GSR: variants seen among roughly 807,000 people sequenced by gnomAD.
The protein encoded by GSR is glutathione reductase, mitochondrial.
Under a neutral mutation model 56.5 loss-of-function variants are expected in GSR, and 48 were observed. The observed-to-expected ratio is 0.85, with a 90% confidence interval of 0.67 to 1.08. The LOEUF is 1.08. Ranked by LOEUF, GSR falls within the 50% of genes least tolerant of loss-of-function variation. The pLI is 0.00. For synonymous variants in GSR, 264 were observed against 270.8 expected (o/e 0.97, Z 0.25); for missense variants, 694 against 703.3 (o/e 0.99, Z 0.15).
chr8:30,707,431 A>G (rs1179654713), intron 4 of GSR, among the ~76,000 whole-genome samples: 1 of 151,590 alleles, frequency 6.6e-6, no homozygotes, highest in East Asian at 2.0e-4. Flanking sequence ...TATAATCCCA[A>G]CACTTTGGGA....
intron 7 of GSR, among the ~76,000 whole-genome samples, chr8:30,693,533 A>ATGT (rs1554571132): frequency 1.4e-5 from 2 of 146,936 alleles, no homozygotes; most frequent in African/African-American, 5.0e-5. Flanking sequence ...TAGTTCTTTT[A>ATGT]TTTTTATTTT....
Position 30,689,277 on chromosome 8 carries a change from T to C in GSR, c.925A>G (p.Met309Val). 2 of 1,614,060 alleles carry C rather than the reference T, an allele frequency of 1.2e-6. No individual in the cohort carries two copies. The highest frequency in any genetic ancestry group is 1.1e-5 in the South Asian group (1 of 91,082). Residue 309 changes from methionine to valine, a missense_variant, in exon 9 of 13, where the codon ATG becomes GTG. By Grantham distance (21) the Met-to-Val change is conservative. Coordinates refer to ENST00000221130, the MANE Select transcript of GSR (RefSeq NM_000637.5). Reference sequence around the variant, plus strand: ...AGCCTACCGGGAACTGCAGTAACCATGCTGACTTCCAAGCCCGACAAAGTC... The same window carrying C: ...AGCCTACCGGGAACTGCAGTAACCACGCTGACTTCCAAGCCCGACAAAGTC... ...KKTLSGLEVS[M>V]VTAVPGRLPV...
rs922267160 is a variant in GSR, at chr8:30,727,612, C to T, written c.224G>A (p.Gly75Asp). The change falls in exon 1 of 13, where the codon GGC becomes GAC. Residue 75 changes from glycine (G) to aspartate (D), a missense_variant. Gly to Asp is a moderately conservative substitution (Grantham distance 94). Coordinates refer to ENST00000221130, the MANE Select transcript of GSR (RefSeq NM_000637.5). ...CGCCCTGCGCGCGCTGGCCAGCCCG[C>T]CCGAGCCGCCCCCGATCACCAGGTA... ...YDYLVIGGGSGGLASARRAAE... is the reference protein window; with the variant it reads ...YDYLVIGGGSDGLASARRAAE... The T allele has an allele frequency of 1.3e-6, 2 of 1,512,538 alleles. No homozygotes were observed. The highest frequency in any genetic ancestry group is 2.1e-5 in the Admixed American group (1 of 47,946). The allele number at this position is 1,512,538 out of a possible 1,614,324, so 93.7% of individuals were successfully genotyped here.
chr8:30,705,232 C>T (rs1586055017), intron 4 of GSR, among the ~76,000 whole-genome samples: 1 of 150,948 alleles, frequency 6.6e-6, no homozygotes. Flanking sequence ...TCAAGATCAG[C>T]GTGGGCAACA....
chr8:30,693,630 G>A (rs913718597), intron 7 of GSR, among the ~76,000 whole-genome samples: 44 of 152,118 alleles, frequency 2.9e-4, no homozygotes, highest in African/African-American at 1.0e-3. Flanking sequence ...CTGGATTCAA[G>A]CAATTCTCCC....
At chr8:30,682,802 TTTA>T (rs1211430901) in intron 10 of GSR, among the ~76,000 whole-genome samples, 3 of 151,476 alleles carry the variant, frequency 2.0e-5, no homozygotes, top group East Asian at 1.9e-4. Flanking sequence ...GCCTAGAATC[TTTA>T]TTATTATTAT....
chr8:30,715,674 CA>C lies in GSR; in HGVS notation c.307-3587del, dbSNP rs8190919. On this transcript the variant is annotated intron_variant, in intron 1 of 12. Coordinates refer to ENST00000221130, the MANE Select transcript of GSR (RefSeq NM_000637.5). Reference sequence around the variant, plus strand: ...GGACAGACTCCAAAAGCAATTTTCCCAAAGGTAGAGATGATTTGTCTGCTAC... The same window carrying C: ...GGACAGACTCCAAAAGCAATTTTCCCAAGGTAGAGATGATTTGTCTGCTAC... 8.3e-4 allele frequency among the ~76,000 whole-genome samples: 126 copies of C among 152,236 alleles called. 1 individual carries two copies. The South Asian group carries it at 0.01, about 13-fold the overall frequency.
chr8:30,690,881 A>G (rs1210512643), intron 8 of GSR, among the ~76,000 whole-genome samples: 4 of 152,150 alleles, frequency 2.6e-5, no homozygotes, highest in Middle Eastern at 3.2e-3. Context: ...CCTGGGCAAC[A>G]TAGTGAGACT....
Position 30,724,859 on chromosome 8 carries a change from G to T in GSR, c.306+2671C>A, listed in dbSNP as rs560901342. On this transcript the variant is annotated intron_variant, in intron 1 of 12. Transcript: ENST00000221130. ...TTACATTCTTGTGAGGTTCTTATGA[G>T]CCTCAGTAAATCTACATTTTACATA... is the stretch of plus-strand genomic sequence containing the variant. Among the ~76,000 whole-genome samples the T allele has an allele frequency of 5.9e-5, 9 of 152,228 alleles. No homozygotes were observed. The South Asian group carries it at 1.9e-3, about 32-fold the overall frequency.
At position 30,679,463 on chromosome 8, in the gene GSR, T is replaced by G. The variant is rs1043070487; in HGVS notation, c.*57A>C. 4.5e-5 allele frequency: 68 copies of G among 1,508,998 alleles called. No homozygotes were observed. Among genetic ancestry groups the G allele is most frequent in the Non-Finnish European group, 6.2e-5 (67 of 1,085,692 alleles). The allele number at this position is 1,508,998 out of a possible 1,614,324, so 93.5% of individuals were successfully genotyped here. ...CAAACAGTAAGTCAATGTGATTATT[T>G]GTTTCATTTCAGAAGATCTATGGGT... On this transcript the variant is annotated 3_prime_UTR_variant, in exon 13 of 13. Transcript: ENST00000221130.
At chr8:30,721,297 A>G (rs1024658710) in intron 1 of GSR, among the ~76,000 whole-genome samples, 1 of 152,140 alleles carries the variant, frequency 6.6e-6, no homozygotes, top group African/African-American at 2.4e-5. Context: ...GTAATATTTA[A>G]TGTTGCAACA....
intron 1 of GSR, among the ~76,000 whole-genome samples, chr8:30,723,240 A>T (rs1340740666): frequency 2.6e-5 from 4 of 152,204 alleles, no homozygotes; most frequent in Non-Finnish European, 5.9e-5. Context: ...AGAAGGCTCT[A>T]ATTCACCTTG....
intron 6 of GSR, among the ~76,000 whole-genome samples, chr8:30,698,988 T>G (rs1803638298): frequency 6.6e-6 from 1 of 152,170 alleles, no homozygotes; most frequent in South Asian, 2.1e-4. Flanking sequence ...TTTTTGCCCC[T>G]CTATGAATCT....
chr8:30,718,101 CA>C (rs1208939774), intron 1 of GSR, among the ~76,000 whole-genome samples: 1 of 119,800 alleles, frequency 8.3e-6, no homozygotes, highest in South Asian at 2.8e-4. Flanking sequence ...AATTCTGTCT[CA>C]AAAAAATAAA....
intron 6 of GSR, among the ~76,000 whole-genome samples, chr8:30,699,064 T>C (rs999277513): frequency 1.3e-5 from 2 of 152,114 alleles, no homozygotes; most frequent in African/African-American, 2.4e-5. Flanking sequence ...GGTGGGAGGA[T>C]TGCTTGAGGC....
chr8:30,687,627 A>C (rs2128739274), intron 9 of GSR: 1 of 152,370 alleles, frequency 6.6e-6, no homozygotes, highest in East Asian at 1.9e-4. Context: ...AGCCTGGGCA[A>C]CACGGCAAGA....
At position 30,698,416 on chromosome 8, in the gene GSR, A is replaced by G. The variant is rs73578855; in HGVS notation, c.695+1665T>C. On this transcript the variant is annotated intron_variant, in intron 6 of 12. Coordinates refer to ENST00000221130, the MANE Select transcript of GSR (RefSeq NM_000637.5). ...GTCTCACTACATCCTCACATATGTC[A>G]TGTCACTCAACCCTAAAATCAAACA... 3.4e-3 allele frequency among the ~76,000 whole-genome samples: 525 copies of G among 152,304 alleles called. 4 individuals carry two copies. Among genetic ancestry groups the G allele is most frequent in the African/African-American group, 0.012 (499 of 41,560 alleles).
chr8:30,715,357 C>A (rs1804296767), intron 1 of GSR, among the ~76,000 whole-genome samples: 1 of 151,806 alleles, frequency 6.6e-6, no homozygotes, highest in Non-Finnish European at 1.5e-5. Flanking sequence ...TCTGGCCAAG[C>A]TGAGGATATG....
intron 4 of GSR, 92 bp from the exon 5 acceptor site, chr8:30,703,332 AT>A: frequency 8.3e-7 from 1 of 1,201,416 alleles, no homozygotes; most frequent in African/African-American, 1.5e-5. Flanking sequence ...TCTACTGAAC[AT>A]TTTGATTCTT....
Sources: allele counts gnomAD v4.1 joint callset (sites outside exome capture counted in the v4.1 genomes callset), GRCh38; gene constraint gnomAD v4.1.1; transcripts MANE v1.5; gene names NCBI Gene and HGNC (gene_info 2026-07-23, HGNC 2026-07-21).